Variants in CD109 observed in about 807,000 individuals in gnomAD.
CD109 encodes the protein CD109 molecule.
Under a neutral mutation model 165.8 loss-of-function variants are expected in CD109, and 149 were observed. That is an observed-to-expected ratio of 0.90 (90% CI 0.79 to 1.03). The LOEUF is 1.03. Among genes scored for constraint, CD109 ranks in the 50% least tolerant of loss-of-function variants. The pLI, the probability that CD109 is intolerant of heterozygous loss-of-function variation, is 0.00. For synonymous variants in CD109, 585 were observed against 592.1 expected (o/e 0.99, Z 0.18); for missense variants, 1,712 against 1,677.8 (o/e 1.02, Z -0.36).
intron 20 of CD109, among the ~76,000 whole-genome samples, chr6:73,786,605 A>T (rs906514837): frequency 9.2e-5 from 14 of 152,018 alleles, no homozygotes; most frequent in African/African-American, 1.7e-4. Context: ...TAAAATGGAA[A>T]TGATAATTAT....
chr6:73,720,876 T>G (rs2150166831), intron 2 of CD109, among the ~76,000 whole-genome samples: 1 of 152,284 alleles, frequency 6.6e-6, no homozygotes, highest in South Asian at 2.1e-4. Context: ...GCTGTGGTCT[T>G]TGCTCACCCA....
intron 2 of CD109, among the ~76,000 whole-genome samples, chr6:73,714,131 T>C (rs1771636306): frequency 6.6e-6 from 1 of 152,200 alleles, no homozygotes; most frequent in Non-Finnish European, 1.5e-5. Flanking sequence ...AGTTTGTTTC[T>C]ATTTTATTCC....
intron 30 of CD109, among the ~76,000 whole-genome samples, chr6:73,815,914 C>T (rs1347537250): frequency 6.6e-6 from 1 of 152,100 alleles, no homozygotes; most frequent in Non-Finnish European, 1.5e-5. Context: ...TAAAGATGCA[C>T]TGGCATTGAG....
intron 14 of CD109, among the ~76,000 whole-genome samples, chr6:73,769,309 T>A (rs968485874): frequency 1.3e-5 from 2 of 152,230 alleles, no homozygotes; most frequent in Non-Finnish European, 2.9e-5. Context: ...GTTTTGTTAG[T>A]GGTAGAGCAC....
chr6:73,805,003 G>A (rs1775513379), intron 24 of CD109, among the ~76,000 whole-genome samples: 1 of 152,184 alleles, frequency 6.6e-6, no homozygotes, highest in Non-Finnish European at 1.5e-5. Context: ...GGAAACAACA[G>A]GTGCTGGAGA....
At chr6:73,738,103 G>A (rs1772615785) in intron 5 of CD109, among the ~76,000 whole-genome samples, 1 of 152,154 alleles carries the variant, frequency 6.6e-6, no homozygotes, top group African/African-American at 2.4e-5. Flanking sequence ...TGACATAAGG[G>A]GGACAGACAA....
intron 2 of CD109, 169 bp from the exon 3 acceptor site, chr6:73,723,079 ATGT>A (rs1772020124): frequency 2.1e-6 from 2 of 947,214 alleles, no homozygotes; most frequent in African/African-American, 3.5e-5. Flanking sequence ...GCACAAAGAT[ATGT>A]AATAATTTCT....
chr6:73,760,781 G>T (rs1452596840), intron 7 of CD109, among the ~76,000 whole-genome samples: 1 of 152,106 alleles, frequency 6.6e-6, no homozygotes, highest in Non-Finnish European at 1.5e-5. Context: ...GGAGGCAGAG[G>T]TTGCAGTGAC....
At chr6:73,685,910 A>G in the CD109 span, among the ~76,000 whole-genome samples, 1 of 152,156 alleles carries the variant, frequency 6.6e-6, no homozygotes, top group Non-Finnish European at 1.5e-5. Context: ...ATGTCTTTGT[A>G]TTTCTTTTTC....
the CD109 span, among the ~76,000 whole-genome samples, chr6:73,690,546 C>T: frequency 2.0e-5 from 3 of 152,132 alleles, no homozygotes; most frequent in African/African-American, 7.2e-5. Flanking sequence ...GGATTACAGG[C>T]ATGTGCCACC....
At chr6:73,725,174 C>A (rs1772087626) in intron 3 of CD109, among the ~76,000 whole-genome samples, 1 of 152,128 alleles carries the variant, frequency 6.6e-6, no homozygotes, top group African/African-American at 2.4e-5. Context: ...CATTAGATTG[C>A]ATTAAAATAA....
intron 7 of CD109, among the ~76,000 whole-genome samples, chr6:73,760,387 A>G (rs1034004554): frequency 5.5e-4 from 78 of 141,394 alleles, no homozygotes; most frequent in African/African-American, 2.0e-3. Context: ...GGCCTGGGCT[A>G]AAGAGCGGGA....
rs370627431 is a variant in CD109, at chr6:73,768,324, A to T, written c.1674+93A>T. 22 of 734,952 alleles carry T rather than the reference A, an allele frequency of 3.0e-5. No homozygotes were observed. In the East Asian group the frequency reaches 3.8e-4, roughly 13 times the overall value. The allele number at this position is 734,952 out of a possible 1,614,324, so 45.5% of individuals were successfully genotyped here. ...TCTTTAGAAAAGTATCATTAAGCCA[A>T]ACTGGTTAGAAATTTATATTATTCT... is the stretch of plus-strand genomic sequence containing the variant. On this transcript the variant is annotated intron_variant, in intron 14 of 32. Transcript: ENST00000287097.
intron 1 of CD109, 130 bp downstream of exon 1, chr6:73,696,419 T>G: frequency 1.4e-6 from 1 of 698,548 alleles, no homozygotes; most frequent in Non-Finnish European, 2.1e-6. Context: ...GCGGCTGCAG[T>G]CCCCAGCCTG....
chr6:73,766,906 C>G (rs1482581292), intron 12 of CD109, 42 bp from the exon 13 acceptor site: 1 of 1,608,874 alleles, frequency 6.2e-7, no homozygotes, highest in African/African-American at 1.3e-5. Flanking sequence ...ATTGGACTAT[C>G]TTGCTTTTGA....
rs745557490 is a variant in CD109, at chr6:73,768,020, G to A, written c.1498-35G>A. Reference sequence around the variant, plus strand: ...CTTCAGATGAGATCCTACTAGGTTTGGCAATAAATTAAACCCATCTACTGT... The same window carrying A: ...CTTCAGATGAGATCCTACTAGGTTTAGCAATAAATTAAACCCATCTACTGT... On this transcript the variant is annotated intron_variant, in intron 13 of 32. Transcript: ENST00000287097. 7.8e-6 allele frequency: 12 copies of A among 1,545,074 alleles called. No individual in the cohort carries two copies. The Admixed American group carries it at 1.9e-4, about 25-fold the overall frequency.
At chr6:73,707,034 A>G (rs1337586431) in intron 2 of CD109, among the ~76,000 whole-genome samples, 1 of 152,222 alleles carries the variant, frequency 6.6e-6, no homozygotes, top group Non-Finnish European at 1.5e-5. Flanking sequence ...TGGTGACCAC[A>G]TGAGGTTCCT....
At chr6:73,789,750 G>A (rs925094297) in intron 22 of CD109, among the ~76,000 whole-genome samples, 12 of 145,516 alleles carry the variant, frequency 8.2e-5, no homozygotes, top group Admixed American at 1.4e-4. Context: ...GTGAGCCACC[G>A]CGCCCGGCCT....
the CD109 span, among the ~76,000 whole-genome samples, chr6:73,688,602 C>T: frequency 6.6e-6 from 1 of 151,996 alleles, no homozygotes; most frequent in Non-Finnish European, 1.5e-5. Flanking sequence ...AGAGGCTGGT[C>T]ACCAGAAAGA....
Sources: allele counts gnomAD v4.1 joint callset (sites outside exome capture counted in the v4.1 genomes callset), GRCh38; gene constraint gnomAD v4.1.1; transcripts MANE v1.5; gene names NCBI Gene and HGNC (gene_info 2026-07-23, HGNC 2026-07-21).